NCAM1: variants seen among roughly 807,000 people sequenced by gnomAD.
The protein encoded by NCAM1 is neural cell adhesion molecule 1.
NCAM1 carries 14 observed loss-of-function variants against 109.8 expected under a neutral mutation model. The observed-to-expected ratio is 0.13, with a 90% CI of 0.08 to 0.20. The LOEUF is 0.20. Among genes scored for constraint, NCAM1 ranks in the 10% least tolerant of loss-of-function variants. The pLI is 1.00. For missense variants in NCAM1, 774 were observed against 1,109.9 expected (o/e 0.70, Z 4.30); for synonymous variants, 418 against 442.9 (o/e 0.94, Z 0.70).
intron 1 of NCAM1, among the ~76,000 whole-genome samples, chr11:113,015,420 A>G (rs536475268): frequency 1.5e-4 from 23 of 152,302 alleles, no homozygotes; most frequent in East Asian, 5.8e-4. Context: ...CTCTGATGCC[A>G]TTTTATGATA....
At position 113,204,303 on chromosome 11, in the gene NCAM1, G is replaced by A; in HGVS notation, c.145G>A (p.Asp49Asn). ...FLCQVAGDAK[D>N]KDISWFSPNG... ...CTCTTTAGTGGCAGGAGATGCCAAA[G>A]ATAAAGACATCTCCTGGTTCTCCCC... Residue 49 changes from aspartate (D) to asparagine (N), a missense_variant, in exon 3 of 20, where the codon GAT (aspartate) becomes AAT (asparagine). Transcript: ENST00000316851. 1 of 1,612,010 alleles carries A rather than the reference G, an allele frequency of 6.2e-7. No homozygotes were observed. The highest frequency in any genetic ancestry group is 8.5e-7 in the Non-Finnish European group (1 of 1,179,050).
intron 1 of NCAM1, among the ~76,000 whole-genome samples, chr11:112,988,046 T>C (rs1001270206): frequency 7.2e-5 from 11 of 152,184 alleles, no homozygotes; most frequent in African/African-American, 2.4e-4. Flanking sequence ...ATCTTTTGCA[T>C]ATTTACTATA....
At chr11:112,988,665 C>A (rs1312845064) in intron 1 of NCAM1, among the ~76,000 whole-genome samples, 2 of 151,636 alleles carry the variant, frequency 1.3e-5, no homozygotes, top group African/African-American at 4.8e-5. Flanking sequence ...TCCACTGATA[C>A]CTTTATGGGG....
intron 7 of NCAM1, among the ~76,000 whole-genome samples, chr11:113,213,367 A>G (rs1765153338): frequency 6.6e-6 from 1 of 152,192 alleles, no homozygotes; most frequent in Non-Finnish European, 1.5e-5. Context: ...AATTGGGAAA[A>G]TTCAATTTTC....
intron 7 of NCAM1, 86 bp downstream of exon 7, chr11:113,208,088 T>A: frequency 7.0e-7 from 1 of 1,431,944 alleles, no homozygotes; most frequent in Admixed American, 2.0e-5. Flanking sequence ...CCCTGGCCAC[T>A]GTCCCTCAGA....
chr11:113,052,320 G>T (rs1259436997), intron 1 of NCAM1, among the ~76,000 whole-genome samples: 2 of 152,122 alleles, frequency 1.3e-5, no homozygotes, highest in Admixed American at 6.5e-5. Context: ...AATTACAATG[G>T]AGTTTGAAGA....
intron 1 of NCAM1, among the ~76,000 whole-genome samples, chr11:113,162,863 C>T (rs1384013651): frequency 4.6e-5 from 7 of 152,132 alleles, no homozygotes; most frequent in South Asian, 2.1e-4. Context: ...GCACATATTC[C>T]GCATGGAAAT....
chr11:113,192,236 G>A (rs890852177), intron 1 of NCAM1, among the ~76,000 whole-genome samples: 3 of 151,926 alleles, frequency 2.0e-5, no homozygotes, highest in Non-Finnish European at 2.9e-5. Context: ...ATCAGATAGT[G>A]TACAGCCATT....
At chr11:113,159,119 C>T (rs1555103911) in intron 1 of NCAM1, among the ~76,000 whole-genome samples, 1 of 152,038 alleles carries the variant, frequency 6.6e-6, no homozygotes, top group African/African-American at 2.4e-5. Flanking sequence ...CATACTGATG[C>T]CTGTGAGATT....
At chr11:113,131,968 G>A (rs1941405900) in intron 1 of NCAM1, among the ~76,000 whole-genome samples, 1 of 152,212 alleles carries the variant, frequency 6.6e-6, no homozygotes, top group African/African-American at 2.4e-5. Flanking sequence ...TCCGTCTGGA[G>A]CTAGGTGAGC....
At chr11:113,021,965 C>T (rs1450023073) in intron 1 of NCAM1, among the ~76,000 whole-genome samples, 1 of 152,148 alleles carries the variant, frequency 6.6e-6, no homozygotes, top group African/African-American at 2.4e-5. Flanking sequence ...GCAGAACCAG[C>T]TCATCATTGA....
chr11:113,105,973 T>G (rs1244899988), intron 1 of NCAM1, among the ~76,000 whole-genome samples: 2 of 152,200 alleles, frequency 1.3e-5, no homozygotes, highest in Non-Finnish European at 2.9e-5. Flanking sequence ...AATATCGTTT[T>G]GTCATCACCA....
At chr11:113,055,425 A>G (rs557278295) in intron 1 of NCAM1, among the ~76,000 whole-genome samples, 99 of 152,366 alleles carry the variant, frequency 6.5e-4, no homozygotes, top group Non-Finnish European at 1.1e-3. Flanking sequence ...ACCCTGAGTT[A>G]TGCTTTACAG....
intron 17 of NCAM1, chr11:113,263,492 C>T (rs1946063721): frequency 1.0e-6 from 1 of 985,854 alleles, no homozygotes; most frequent in African/African-American, 1.7e-5. Context: ...GAAGTCACCC[C>T]TGTTGCCCAT....
At chr11:113,097,912 G>A (rs1294412769) in intron 1 of NCAM1, among the ~76,000 whole-genome samples, 2 of 152,086 alleles carry the variant, frequency 1.3e-5, no homozygotes, top group African/African-American at 4.8e-5. Context: ...GGGCAATGAA[G>A]CTTTCTTCAT....
At chr11:113,143,727 T>A (rs1941915778) in intron 1 of NCAM1, among the ~76,000 whole-genome samples, 1 of 152,196 alleles carries the variant, frequency 6.6e-6, no homozygotes, top group South Asian at 2.1e-4. Context: ...GAATGCTTGG[T>A]AGAAGCTCCT....
chr11:112,992,836 A>G (rs553236997), intron 1 of NCAM1, among the ~76,000 whole-genome samples: 1 of 152,300 alleles, frequency 6.6e-6, no homozygotes, highest in African/African-American at 2.4e-5. Flanking sequence ...TATCTCTTCT[A>G]GAAAATATTT....
chr11:113,231,273 G>A (rs1555117147), intron 9 of NCAM1: 4 of 1,536,084 alleles, frequency 2.6e-6, no homozygotes, highest in Non-Finnish European at 2.6e-6. Flanking sequence ...GATCTCATGA[G>A]GTAGGGCTGC....
intron 1 of NCAM1, among the ~76,000 whole-genome samples, chr11:113,161,714 C>A (rs955687944): frequency 6.6e-6 from 1 of 152,154 alleles, no homozygotes; most frequent in South Asian, 2.1e-4. Flanking sequence ...AAAAGAAACT[C>A]TTGTTGATTT....
Sources: gnomAD v4.1 joint callset for allele counts (sites outside exome capture counted in the v4.1 genomes callset) on GRCh38, gnomAD v4.1.1 for gene constraint, MANE v1.5 for transcripts, NCBI Gene and HGNC (gene_info 2026-07-23, HGNC 2026-07-21) for gene names.